Variants in NTRK3 observed in about 807,000 individuals in gnomAD.
NTRK3 encodes NT-3 growth factor receptor.
In NTRK3, 24 loss-of-function variants were observed where a neutral mutation model predicts 91.7. The observed-to-expected ratio is 0.26, with a 90% CI of 0.19 to 0.37. NTRK3 has a LOEUF of 0.37. NTRK3 is among the 10% of genes least tolerant of loss of function. The probability of loss-of-function intolerance (pLI) is 1.00; values close to 1 mark genes in which losing one functional copy is unlikely to be tolerated. For missense variants in NTRK3, 880 were observed against 1,068.9 expected, an observed-to-expected ratio of 0.82 and a Z score of 2.46; for synonymous variants, 483 against 404.0, an observed-to-expected ratio of 1.20 and a Z score of -2.34.
In NTRK3 at chr15:88,112,008, G is replaced by A. The variant is rs1468141219; in HGVS notation, c.1396+14263C>T. On this transcript the variant is annotated intron_variant, in intron 13 of 18. Transcript: ENST00000394480. ...TGCAAGCTCCGCCTCCAAGGTACAC[G>A]CCATTCTCCTGCCTCAGCCTCCTGA... Among the ~76,000 whole-genome samples, 4 of 151,184 alleles carry A rather than the reference G, an allele frequency of 2.6e-5. No individual in the cohort carries two copies. The East Asian group carries it at 5.9e-4, about 22-fold the overall frequency.
At position 88,137,215 on chromosome 15, in the gene NTRK3, C is replaced by T. The variant is rs893302256; in HGVS notation, c.622+189G>A. 2.0e-5 allele frequency among the ~76,000 whole-genome samples: 3 copies of T among 152,194 alleles called. No individual in the cohort carries two copies. In the East Asian group the frequency reaches 5.8e-4, roughly 29 times the overall value. ...GAAACCAGTCTTCCTATGGCTCGTG[C>T]ACAAAGGGACAGGAATGACCAAGAA... is the stretch of plus-strand genomic sequence containing the variant. On this transcript the variant is annotated intron_variant, in intron 7 of 18. Transcript: ENST00000394480.
At chr15:88,135,233 T>C (rs2151192193) in exon 10 of NTRK3, 1 of 1,614,186 alleles carries the variant, frequency 6.2e-7, no homozygotes, top group Non-Finnish European at 8.5e-7. Flanking sequence ...CCCTCGGAAA[T>C]CTCTCCCTCT....
intron 14 of NTRK3, among the ~76,000 whole-genome samples, chr15:88,004,998 A>G (rs112596363): frequency 1.3e-5 from 2 of 152,236 alleles, no homozygotes; most frequent in African/African-American, 4.8e-5. Flanking sequence ...CAGATGAGAA[A>G]AATGAGGCCT....
At chr15:87,929,146 C>T (rs749477968) in intron 17 of NTRK3, 45 bp downstream of exon 17, 48 of 1,613,838 alleles carry the variant, frequency 3.0e-5, no homozygotes, top group African/African-American at 1.1e-4. Flanking sequence ...GTAAGCAAGG[C>T]GCTAGCTCTG....
At chr15:87,916,439 C>A in intron 17 of NTRK3, 2 of 695,164 alleles carry the variant, frequency 2.9e-6, no homozygotes, top group East Asian at 5.4e-5. Flanking sequence ...TCTCCTTCAG[C>A]CTTTTCCTCT....
At chr15:87,889,039 C>A (rs2065707473) in intron 17 of NTRK3, among the ~76,000 whole-genome samples, 1 of 152,144 alleles carries the variant, frequency 6.6e-6, no homozygotes, top group Non-Finnish European at 1.5e-5. Flanking sequence ...CAGCCTTCTC[C>A]CCCTGTTTCT....
chr15:87,997,576 A>C (rs2075796724), intron 14 of NTRK3, among the ~76,000 whole-genome samples: 1 of 152,168 alleles, frequency 6.6e-6, no homozygotes, highest in Admixed American at 6.5e-5. Flanking sequence ...TTTTTATATG[A>C]GTTCTCTTTG....
intron 3 of NTRK3, chr15:88,206,073 C>T (rs188704339): frequency 2.5e-4 from 38 of 152,544 alleles, no homozygotes; most frequent in African/African-American, 8.2e-4. Context: ...GGCGCGGTGG[C>T]TCACGCCTGT....
intron 5 of NTRK3, among the ~76,000 whole-genome samples, 154 bp from the exon 6 acceptor site, chr15:88,147,557 GCTGTT>G (rs1567527286): frequency 6.9e-6 from 1 of 144,676 alleles, no homozygotes; most frequent in African/African-American, 2.6e-5. Context: ...TCTTCTTCAT[GCTGTT>G]AGGCTAGCGA....
exon 19 of NTRK3, chr15:87,865,857 T>G (rs888692434): frequency 1.7e-5 from 4 of 228,860 alleles, no homozygotes; most frequent in African/African-American, 8.9e-5. Context: ...TAGAGCATTC[T>G]CCATCACTAG....
intron 3 of NTRK3, among the ~76,000 whole-genome samples, chr15:88,191,163 C>CGTGTGTGTGTGTGTGT (rs60048541): frequency 1.0e-3 from 142 of 137,964 alleles, no homozygotes; most frequent in Middle Eastern, 7.3e-3. Flanking sequence ...TGATGTTTCC[C>CGTGTGTGTGTGTGTGT]GTGTGTGTGT....
intron 13 of NTRK3, among the ~76,000 whole-genome samples, chr15:88,092,313 C>G (rs1197642217): frequency 6.6e-6 from 1 of 152,210 alleles, no homozygotes; most frequent in Non-Finnish European, 1.5e-5. Context: ...ATCAAGGCTC[C>G]GACTGCATGG....
intron 3 of NTRK3, among the ~76,000 whole-genome samples, chr15:88,239,496 G>A (rs1236818498): frequency 6.6e-6 from 1 of 152,142 alleles, no homozygotes; most frequent in African/African-American, 2.4e-5. Flanking sequence ...AGTCTGGAAT[G>A]GCATTCTGTA....
intron 13 of NTRK3, among the ~76,000 whole-genome samples, chr15:88,112,538 A>C (rs2150986605): frequency 6.6e-6 from 1 of 151,882 alleles, no homozygotes; most frequent in East Asian, 1.9e-4. Context: ...TGCCACTGCC[A>C]GTCTCTCTTG....
chr15:87,895,592 A>G (rs970730668), intron 17 of NTRK3, among the ~76,000 whole-genome samples: 1 of 152,188 alleles, frequency 6.6e-6, no homozygotes, highest in Non-Finnish European at 1.5e-5. Context: ...AAAAATCCAC[A>G]TTATATGGAG....
intron 17 of NTRK3, 152 bp downstream of exon 17, chr15:87,929,039 A>G: frequency 8.9e-7 from 1 of 1,119,476 alleles, no homozygotes; most frequent in Non-Finnish European, 1.3e-6. Context: ...TCAAGATGCA[A>G]GAGAGGCCAA....
At chr15:87,874,393 C>G (rs1049506345) in exon 19 of NTRK3, 3 of 229,956 alleles carry the variant, frequency 1.3e-5, no homozygotes, top group African/African-American at 6.6e-5. Flanking sequence ...AGCAATCTGA[C>G]AACTGCGGTC....
chr15:88,233,816 G>C lies in NTRK3; in HGVS notation c.248+22090C>G, dbSNP rs1357469001. 6.6e-6 allele frequency among the ~76,000 whole-genome samples: 1 copy of C among 151,626 alleles called. No homozygotes were observed. Among genetic ancestry groups the C allele is most frequent in the African/African-American group, 2.4e-5 (1 of 41,104 alleles). ...CTCCCCCTCCCTGCCTTGTCCAAGA[G>C]AATCTCTACTCCCTCTGGCCTCCCT... is the stretch of plus-strand genomic sequence containing the variant. On this transcript the variant is annotated intron_variant, in intron 3 of 18. Transcript: ENST00000394480. This position sits in a 1 kb window ranked among gnomAD's most constrained non-coding sequence, Gnocchi z 4.2.
intron 3 of NTRK3, among the ~76,000 whole-genome samples, chr15:88,201,654 A>C (rs1265639185): frequency 1.3e-5 from 2 of 152,140 alleles, no homozygotes; most frequent in African/African-American, 4.8e-5. Context: ...CATTCCTCCC[A>C]GCAGAGAAGG....
Sources: gnomAD v4.1 joint callset for allele counts (sites outside exome capture counted in the v4.1 genomes callset) on GRCh38, gnomAD v4.1.1 for gene constraint, Gnocchi (gnomAD v3.1) non-coding constraint, MANE v1.5 for transcripts, NCBI Gene and HGNC (gene_info 2026-07-23, HGNC 2026-07-21) for gene names.